PRAM1: variants seen among roughly 807,000 people sequenced by gnomAD.
The protein encoded by PRAM1 is PML-RARA-regulated adapter molecule 1.
A neutral mutation model predicts 55.3 loss-of-function variants in PRAM1; 41 were observed. The ratio of observed to expected loss-of-function variants is 0.74; its 90% CI spans 0.58 to 0.96. PRAM1 has a LOEUF of 0.96. PRAM1 is among the 40% of genes least tolerant of loss of function. The pLI is 0.00. For missense variants in PRAM1, 898 were observed against 892.7 expected, an observed-to-expected ratio of 1.01 and a Z score of -0.08; for synonymous variants, 401 against 387.1, an observed-to-expected ratio of 1.04 and a Z score of -0.42.
rs116166102 is a variant in PRAM1 at position 8,490,117 on chromosome 19, C to T, written c.*72G>A. On this transcript the variant is annotated 3_prime_UTR_variant, in exon 10 of 10. Transcript: ENST00000423345. This position sits in a 1 kb window ranked among gnomAD's most constrained non-coding sequence, Gnocchi z 7.3. The stretch of plus-strand genomic sequence containing the variant: ...CCCAGGCAGCTCTGTGACTTTCCCG[C>T]GCCGGGATCCAGGGCTCCTGGGTGA... 2.3e-3 allele frequency: 3,257 copies of T among 1,426,094 alleles called. 65 individuals are homozygous for T. The African/African-American group carries it at 0.04, about 18-fold the overall frequency. 88.3% of individuals were successfully genotyped at this position (1,426,094 alleles called of 1,614,324 possible).
intron 1 of PRAM1, among the ~76,000 whole-genome samples, chr19:8,500,340 C>T (rs577694553): frequency 1.3e-5 from 2 of 152,112 alleles, no homozygotes; most frequent in East Asian, 3.9e-4. Context: ...GCCTTCACCA[C>T]TGTCACCCCA....
intron 1 of PRAM1, among the ~76,000 whole-genome samples, chr19:8,501,098 C>CTTTTT (rs35262115): frequency 3.4e-5 from 4 of 118,168 alleles, no homozygotes; most frequent in African/African-American, 3.7e-5. Flanking sequence ...TTCTTTCTTT[C>CTTTTT]TTTTTTTTTT....
chr19:8,500,980 G>T (rs1207180104), intron 1 of PRAM1, among the ~76,000 whole-genome samples: 3 of 151,954 alleles, frequency 2.0e-5, no homozygotes, highest in African/African-American at 7.2e-5. Context: ...TGGCCAGGCT[G>T]GTCTCAAACT....
rs762701878 is a variant in PRAM1 at position 8,499,350 on chromosome 19, A to G, written c.458T>C (p.Leu153Ser). ...ACCAGGCTCCGGCAGCGAGGCCTTC[A>G]AAGGGGCCTCACCGACCTCAGGCTG... ...PLQPEVGEAP[L>S]KASLPEPGAP... Residue 153 changes from leucine to serine, a missense_variant, in exon 2 of 10, where the codon TTG becomes TCG. Physicochemically the swap from Leu to Ser is moderately radical, Grantham distance 145. Transcript: ENST00000423345. 9.9e-6 allele frequency: 16 copies of G among 1,610,850 alleles called. No homozygotes were observed. Among genetic ancestry groups the G allele is most frequent in the Non-Finnish European group, 1.4e-5 (16 of 1,179,050 alleles).
chr19:8,495,447 G>T (rs1971687279), intron 4 of PRAM1, among the ~76,000 whole-genome samples: 1 of 151,890 alleles, frequency 6.6e-6, no homozygotes, highest in South Asian at 2.1e-4. Context: ...TGCCATGCGG[G>T]CCAGGCTGGT....
Position 8,498,989 on chromosome 19 carries a change from G to A in PRAM1, c.819C>T (p.Ala273=), listed in dbSNP as rs746339738. ...KRDSSAFPKK[A]SQPPLSDFPK... ...GAAAGTCACTCAGCGGAGGCTGGGA[G>A]GCCTTTTTGGGAAAGGCGCTGGAGT... Residue 273 remains alanine (A), a synonymous_variant, in exon 2 of 10, where the codon GCC becomes GCT. Transcript: ENST00000423345. 6.2e-6 allele frequency: 10 copies of A among 1,613,732 alleles called. No individual in the cohort carries two copies. The Admixed American group carries it at 1.7e-4, about 27-fold the overall frequency.
At position 8,498,803 on chromosome 19, in the gene PRAM1, C is replaced by T. The variant is rs996120004; in HGVS notation, c.1005G>A (p.Glu335=). The change falls in exon 2 of 10, where the codon GAG becomes GAA. Residue 335 remains glutamate, a synonymous_variant. Transcript: ENST00000423345. The part of the protein sequence containing the change: ...ELGGLPRTSS[E]PEFNSLPRKL... ...TCCTGGGGAGTGAGTTGAACTCGGG[C>T]TCTGAGGAGGTCCTGGGGAGGCCGC... 6.3e-7 allele frequency: 1 copy of T among 1,582,354 alleles called. No individual in the cohort carries two copies. Among genetic ancestry groups the T allele is most frequent in the Non-Finnish European group, 8.6e-7 (1 of 1,164,864 alleles).
rs1971660126 is a variant in PRAM1 at position 8,493,712 on chromosome 19, C to T, written c.1577-2555G>A. ...GTCCAGAGTCCTGGCCCCAAGAGAC[C>T]TAAGCTGCCTTTGAGAAGCTGCACC... On this transcript the variant is annotated intron_variant, in intron 4 of 9. Coordinates refer to ENST00000423345, the MANE Select transcript of PRAM1 (RefSeq NM_032152.5). This position sits in a 1 kb window ranked among gnomAD's most constrained non-coding sequence, Gnocchi z 4.1. Among the ~76,000 whole-genome samples, 3 of 152,218 alleles carry T rather than the reference C, an allele frequency of 2.0e-5. No homozygotes were observed. The highest frequency in any genetic ancestry group is 7.2e-5 in the African/African-American group (3 of 41,466).
intron 4 of PRAM1, among the ~76,000 whole-genome samples, chr19:8,495,320 G>A (rs1326755978): frequency 6.6e-6 from 1 of 151,786 alleles, no homozygotes; most frequent in African/African-American, 2.4e-5. Flanking sequence ...GGCTGGTCTC[G>A]AACTCCTGAC....
chr19:8,501,071 C>A (rs893239085), intron 1 of PRAM1, among the ~76,000 whole-genome samples: 2 of 150,768 alleles, frequency 1.3e-5, no homozygotes, highest in African/African-American at 4.9e-5. Context: ...CCGTGCCCAA[C>A]CTAGACCACC....
chr19:8,491,524 C>T (rs775432040), intron 4 of PRAM1: 99 of 336,628 alleles, frequency 2.9e-4, no homozygotes, highest in South Asian at 1.0e-3. Flanking sequence ...TGAGCCACTG[C>T]GCCTGGCAGG....
intron 4 of PRAM1, among the ~76,000 whole-genome samples, chr19:8,496,610 A>G (rs573264292): frequency 6.6e-5 from 10 of 152,148 alleles, no homozygotes; most frequent in African/African-American, 2.4e-4. Flanking sequence ...CTGTAATCCC[A>G]GCTACTCCAG....
At chr19:8,502,479 C>CCCA in intron 1 of PRAM1, 86 bp downstream of exon 1, 1 of 721,396 alleles carries the variant, frequency 1.4e-6, no homozygotes, top group African/African-American at 1.9e-5. Flanking sequence ...CCCGCCCGCC[C>CCCA]CTCCACAGGT....
chr19:8,502,318 A>G (rs1320989775), intron 1 of PRAM1, among the ~76,000 whole-genome samples: 1 of 151,828 alleles, frequency 6.6e-6, no homozygotes, highest in East Asian at 1.9e-4. Context: ...CCCCCCGGGG[A>G]GTCCCATCTG....
chr19:8,495,743 G>A (rs941037942), intron 4 of PRAM1, among the ~76,000 whole-genome samples: 1 of 151,542 alleles, frequency 6.6e-6, no homozygotes, highest in South Asian at 2.1e-4. Context: ...AGGGAGTGGA[G>A]CGTACAGATT....
intron 4 of PRAM1, among the ~76,000 whole-genome samples, chr19:8,494,251 G>T (rs1971667010): frequency 1.3e-5 from 2 of 152,184 alleles, no homozygotes; most frequent in African/African-American, 4.8e-5. Flanking sequence ...GGGGATTCCA[G>T]CAGGGCTTCT....
rs765557584 is a variant in PRAM1, at chr19:8,498,267, G to A, written c.1455C>T (p.Ala485=). The change falls in exon 3 of 10, where the codon GCC becomes GCT. Residue 485 remains alanine, a synonymous_variant. Transcript: ENST00000423345. The part of the protein sequence containing the change: ...ASIDLRRTRS[A]AGLHFQDRQP... ...GTCGGTCCTGGAAGTGGAGCCCAGC[G>A]GCCGAGCGGGTCCTCCGTAGATCTG... 5.6e-6 allele frequency: 9 copies of A among 1,612,716 alleles called. No individual in the cohort carries two copies. The highest frequency in any genetic ancestry group is 5.1e-6 in the Non-Finnish European group (6 of 1,179,582).
chr19:8,501,460 C>T (rs1379574623), intron 1 of PRAM1, among the ~76,000 whole-genome samples: 1 of 151,676 alleles, frequency 6.6e-6, no homozygotes, highest in Admixed American at 6.6e-5. Context: ...TCCATCGTAC[C>T]CACCCCTACG....
In PRAM1 at chr19:8,490,880, G is replaced by C. The variant is rs989793296; in HGVS notation, c.1743+7C>G. 3.7e-6 allele frequency: 6 copies of C among 1,612,336 alleles called. No individual in the cohort carries two copies. The African/African-American group carries it at 5.3e-5, about 14-fold the overall frequency. Reference sequence around the variant, plus strand: ...GCCAGGACTCCTGCTTAGCTCAGAGGCCTCACCTTGAACTTCTTCCGGAAC... The same window carrying C: ...GCCAGGACTCCTGCTTAGCTCAGAGCCCTCACCTTGAACTTCTTCCGGAAC... On this transcript the variant is annotated splice_region_variant and intron_variant, in intron 6 of 9. Coordinates refer to ENST00000423345, the MANE Select transcript of PRAM1 (RefSeq NM_032152.5). This position sits in a 1 kb window ranked among gnomAD's most constrained non-coding sequence, Gnocchi z 7.3.
Sources: gnomAD v4.1 joint callset for allele counts (sites outside exome capture counted in the v4.1 genomes callset) on GRCh38, gnomAD v4.1.1 for gene constraint, Gnocchi (gnomAD v3.1) non-coding constraint, MANE v1.5 for transcripts, NCBI Gene and HGNC (gene_info 2026-07-23, HGNC 2026-07-21) for gene names.